MLLT10: variants seen among roughly 807,000 people sequenced by gnomAD.
The protein encoded by MLLT10 is MLLT10 histone lysine methyltransferase DOT1L cofactor.
In MLLT10, 30 loss-of-function variants were observed where a neutral mutation model predicts 129.1. The observed-to-expected ratio is 0.23, with a 90% confidence interval of 0.17 to 0.32. The LOEUF is 0.32. Ranked by LOEUF, MLLT10 falls within the 10% of genes least tolerant of loss-of-function variation. The probability of loss-of-function intolerance (pLI) is 1.00; values close to 1 mark genes in which losing one functional copy is unlikely to be tolerated. For synonymous variants in MLLT10, 490 were observed against 446.4 expected (o/e 1.10, Z -1.23); for missense variants, 1,119 against 1,268.3 (o/e 0.88, Z 1.79).
intron 8 of MLLT10, among the ~76,000 whole-genome samples, chr10:21,650,166 C>T (rs1283610392): frequency 2.0e-5 from 3 of 151,896 alleles, no homozygotes; most frequent in Non-Finnish European, 4.4e-5. Flanking sequence ...AATCACACCA[C>T]TGCACTCTCA....
intron 9 of MLLT10, among the ~76,000 whole-genome samples, chr10:21,655,560 A>G (rs1220699381): frequency 6.6e-6 from 1 of 152,172 alleles, no homozygotes; most frequent in Non-Finnish European, 1.5e-5. Flanking sequence ...TATTAAAATC[A>G]TTCTTAGCTG....
At chr10:21,719,804 A>G (rs75413889) in intron 14 of MLLT10, among the ~76,000 whole-genome samples, 1 of 152,330 alleles carries the variant, frequency 6.6e-6, no homozygotes, top group East Asian at 1.9e-4. Context: ...ATTCATGGTT[A>G]TTGACTTCAA....
intron 8 of MLLT10, among the ~76,000 whole-genome samples, chr10:21,648,205 T>C (rs1214028670): frequency 6.6e-6 from 1 of 152,240 alleles, no homozygotes; most frequent in Non-Finnish European, 1.5e-5. Flanking sequence ...GTGACAGTCA[T>C]TAGACTTCTT....
intron 3 of MLLT10, among the ~76,000 whole-genome samples, chr10:21,552,333 T>C (rs189389087): frequency 0.029 from 4,421 of 151,606 alleles, 222 homozygotes; most frequent in African/African-American, 0.1. Context: ...CAGCTTTCCT[T>C]GTGTTTTTTT....
At chr10:21,600,059 T>C (rs759905900) in intron 5 of MLLT10, among the ~76,000 whole-genome samples, 3 of 152,260 alleles carry the variant, frequency 2.0e-5, no homozygotes, top group Non-Finnish European at 2.9e-5. Flanking sequence ...GAATAATCTA[T>C]GTTTTCCATA....
chr10:21,616,842 T>C (rs1398470577), intron 7 of MLLT10, among the ~76,000 whole-genome samples: 2 of 152,044 alleles, frequency 1.3e-5, no homozygotes, highest in Admixed American at 6.5e-5. Context: ...GTTGAAAATA[T>C]ATAGTAGCTT....
chr10:21,724,158 T>C (rs1307999344), intron 14 of MLLT10, among the ~76,000 whole-genome samples: 1 of 152,258 alleles, frequency 6.6e-6, no homozygotes, highest in African/African-American at 2.4e-5. Context: ...TGACTTTGTC[T>C]GCATATTTTT....
chr10:21,721,396 C>T (rs1017096375), intron 14 of MLLT10, among the ~76,000 whole-genome samples: 1 of 152,086 alleles, frequency 6.6e-6, no homozygotes, highest in Non-Finnish European at 1.5e-5. Flanking sequence ...AAAAATCTAC[C>T]AAAACAGTGT....
At chr10:21,650,970 C>G (rs1254051370) in intron 8 of MLLT10, among the ~76,000 whole-genome samples, 1 of 152,126 alleles carries the variant, frequency 6.6e-6, no homozygotes. Flanking sequence ...TGGTACTGTT[C>G]AGATGTGAAG....
At chr10:21,590,875 T>C (rs1315243135) in intron 4 of MLLT10, among the ~76,000 whole-genome samples, 4 of 152,210 alleles carry the variant, frequency 2.6e-5, no homozygotes, top group Non-Finnish European at 5.9e-5. Context: ...TTCTGCTCTT[T>C]ATTATTTCCT....
chr10:21,708,723 C>T (rs771303627), intron 13 of MLLT10: 47 of 985,114 alleles, frequency 4.8e-5, no homozygotes, highest in African/African-American at 1.2e-4. Flanking sequence ...TTAATCACCA[C>T]GATTTTGCTT....
chr10:21,538,632 A>C (rs2034532187), intron 2 of MLLT10, among the ~76,000 whole-genome samples: 1 of 152,152 alleles, frequency 6.6e-6, no homozygotes, highest in Admixed American at 6.5e-5. Context: ...GAGGTAACAC[A>C]AAAGAGTTGC....
At chr10:21,569,327 T>C (rs939444519) in intron 3 of MLLT10, among the ~76,000 whole-genome samples, 2 of 152,066 alleles carry the variant, frequency 1.3e-5, no homozygotes, top group African/African-American at 2.4e-5. Flanking sequence ...TGCACAATCA[T>C]AGCTCATTAA....
At chr10:21,557,843 A>C (rs1334123928) in intron 3 of MLLT10, 1 of 151,638 alleles carries the variant, frequency 6.6e-6, no homozygotes. Context: ...AGTTTCCATA[A>C]TGCAGGGGGG....
rs576441852 is a variant in MLLT10 at position 21,588,573 on chromosome 10, G to A, written c.295+2225G>A. ...AACATTGAGTCAAAGGAGTTTTGCC[G>A]TTAATTTTGATAGATAGTCCCAAAT... is the stretch of plus-strand genomic sequence containing the variant. On this transcript the variant is annotated intron_variant, in intron 4 of 22. Coordinates refer to ENST00000307729, the MANE Select transcript of MLLT10 (RefSeq NM_001195626.3). Among the ~76,000 whole-genome samples the A allele has an allele frequency of 1.6e-3, 243 of 152,024 alleles. 3 individuals carry two copies. The highest frequency in any genetic ancestry group is 5.6e-3 in the African/African-American group (234 of 41,442).
intron 3 of MLLT10, among the ~76,000 whole-genome samples, chr10:21,577,998 C>T (rs998383011): frequency 1.8e-4 from 27 of 151,606 alleles, no homozygotes; most frequent in Non-Finnish European, 3.7e-4. Context: ...CGGGTTCAAG[C>T]GATTCTCGTG....
At position 21,697,850 on chromosome 10, in the gene MLLT10, C is replaced by T. The variant is rs77639048; in HGVS notation, c.1699+15593C>T. ...TAGTTGCCAAAGGGAAAGGGAAGAC[C>T]GATTAACAACAGAAGTGTTTCTGTT... On this transcript the variant is annotated intron_variant, in intron 13 of 22. Coordinates refer to ENST00000307729, the MANE Select transcript of MLLT10 (RefSeq NM_001195626.3). Among the ~76,000 whole-genome samples the T allele has an allele frequency of 3.9e-3, 588 of 152,210 alleles. 5 individuals are homozygous for T. Among genetic ancestry groups the T allele is most frequent in the African/African-American group, 0.013 (549 of 41,516 alleles).
chr10:21,650,195 A>G (rs1291801215), intron 8 of MLLT10, among the ~76,000 whole-genome samples: 4 of 151,884 alleles, frequency 2.6e-5, no homozygotes, highest in Admixed American at 2.0e-4. Flanking sequence ...AAAAATACAT[A>G]TAAAAAAAAG....
At chr10:21,543,282 G>A (rs1402430352) in intron 3 of MLLT10, among the ~76,000 whole-genome samples, 1 of 151,670 alleles carries the variant, frequency 6.6e-6, no homozygotes, top group Non-Finnish European at 1.5e-5. Flanking sequence ...CACCATGCCC[G>A]GCTAATTTTT....
Sources: gnomAD v4.1 joint callset for allele counts (sites outside exome capture counted in the v4.1 genomes callset) on GRCh38, gnomAD v4.1.1 for gene constraint, MANE v1.5 for transcripts, NCBI Gene and HGNC (gene_info 2026-07-23, HGNC 2026-07-21) for gene names.